Variants in LHX8 observed in about 807,000 individuals in gnomAD.
The protein encoded by LHX8 is LIM/homeobox protein Lhx8.
LHX8 carries 12 observed loss-of-function variants against 40.3 expected under a neutral mutation model. The ratio of observed to expected loss-of-function variants is 0.30; its 90% CI spans 0.19 to 0.48. The LOEUF is 0.48. Among genes scored for constraint, LHX8 ranks in the 20% least tolerant of loss-of-function variants. The pLI, the probability that LHX8 is intolerant of heterozygous loss-of-function variation, is 0.99. For synonymous variants in LHX8, 179 were observed against 162.0 expected, an observed-to-expected ratio of 1.10 and a Z score of -0.80; for missense variants, 344 against 433.7, an observed-to-expected ratio of 0.79 and a Z score of 1.84.
intron 3 of LHX8, among the ~76,000 whole-genome samples, chr1:75,139,681 T>C (rs922114758): frequency 1.3e-5 from 2 of 152,194 alleles, no homozygotes; most frequent in Admixed American, 1.3e-4. Flanking sequence ...TTGTCTATAG[T>C]GAGCATGTAA....
intron 8 of LHX8, among the ~76,000 whole-genome samples, chr1:75,157,314 A>T (rs1361277336): frequency 1.3e-5 from 2 of 152,226 alleles, no homozygotes; most frequent in Non-Finnish European, 2.9e-5. Flanking sequence ...ATAATGACTC[A>T]ATGCTTGATC....
intron 7 of LHX8, among the ~76,000 whole-genome samples, chr1:75,153,742 A>G (rs1035907285): frequency 6.6e-6 from 1 of 152,108 alleles, no homozygotes; most frequent in African/African-American, 2.4e-5. Context: ...CCCTATCTAG[A>G]GAGTATTTCA....
chr1:75,159,806 A>G (rs981147598), intron 8 of LHX8: 1 of 152,174 alleles, frequency 6.6e-6, no homozygotes, highest in African/African-American at 2.4e-5. Context: ...ACTAGAGAAG[A>G]TTAGTTTTAC....
At chr1:75,187,566 G>A in the LHX8 span, among the ~76,000 whole-genome samples, 3 of 152,088 alleles carry the variant, frequency 2.0e-5, no homozygotes, top group Non-Finnish European at 4.4e-5. Flanking sequence ...AGAGGCTCTG[G>A]TGGGTTCATT....
chr1:75,173,527 C>G, the LHX8 span, among the ~76,000 whole-genome samples: 1 of 151,646 alleles, frequency 6.6e-6, no homozygotes, highest in African/African-American at 2.4e-5. Context: ...GGACTTCAGG[C>G]GCCCACCACC....
At chr1:75,190,782 G>A in the LHX8 span, among the ~76,000 whole-genome samples, 2 of 152,112 alleles carry the variant, frequency 1.3e-5, no homozygotes, top group African/African-American at 2.4e-5. Flanking sequence ...ATGTTACAAT[G>A]TTTAAAAATG....
At chr1:75,187,496 G>T in the LHX8 span, among the ~76,000 whole-genome samples, 3 of 152,288 alleles carry the variant, frequency 2.0e-5, no homozygotes, top group East Asian at 1.9e-4. Context: ...ATTGGAAAGG[G>T]TCTTGTGAGG....
At chr1:75,133,359 G>A (rs1476776929), upstream of LHX8, among the ~76,000 whole-genome samples, 1 of 152,162 alleles carries the variant, frequency 6.6e-6, no homozygotes, top group African/African-American at 2.4e-5. Flanking sequence ...GCTGCTGACC[G>A]AGCTGGGGTC....
chr1:75,162,927 ACT>A (rs964530556), downstream of LHX8, among the ~76,000 whole-genome samples: 11 of 151,850 alleles, frequency 7.2e-5, no homozygotes, highest in Admixed American at 5.2e-4. Flanking sequence ...GAGAAAGAAA[ACT>A]CTATATTGTT....
upstream of LHX8, chr1:75,130,957 T>G (rs761740160): frequency 4.0e-5 from 25 of 621,012 alleles, no homozygotes; most frequent in Non-Finnish European, 7.0e-5. Flanking sequence ...CTTCTTATGA[T>G]CGCGAAAGTC....
chr1:75,145,805 G>A (rs994514803), intron 6 of LHX8, among the ~76,000 whole-genome samples: 1 of 152,096 alleles, frequency 6.6e-6, no homozygotes, highest in African/African-American at 2.4e-5. Context: ...GGTTAAACAT[G>A]CATAAAATAT....
intron 1 of LHX8, among the ~76,000 whole-genome samples, chr1:75,135,625 C>T (rs1648102124): frequency 6.6e-6 from 1 of 152,218 alleles, no homozygotes; most frequent in African/African-American, 2.4e-5. Context: ...CACCCGCCCC[C>T]GAGCTAGAGT....
the LHX8 span, among the ~76,000 whole-genome samples, chr1:75,186,195 T>C: frequency 6.6e-6 from 1 of 152,130 alleles, no homozygotes; most frequent in Non-Finnish European, 1.5e-5. Context: ...AAAACGATTT[T>C]AACATTCATA....
chr1:75,156,180 A>T (rs1167983276), intron 7 of LHX8, among the ~76,000 whole-genome samples: 1 of 151,232 alleles, frequency 6.6e-6, no homozygotes, highest in African/African-American at 2.4e-5. Flanking sequence ...AAAAAATCTA[A>T]TGGAGTTTTT....
chr1:75,135,679 C>A (rs1175854174), intron 1 of LHX8, among the ~76,000 whole-genome samples: 1 of 152,220 alleles, frequency 6.6e-6, no homozygotes, highest in East Asian at 1.9e-4. Context: ...GCTGCGTTTT[C>A]GTTTAAGAAC....
chr1:75,185,448 A>G, the LHX8 span, among the ~76,000 whole-genome samples: 1 of 152,178 alleles, frequency 6.6e-6, no homozygotes, highest in African/African-American at 2.4e-5. Flanking sequence ...TTGGCCCAAG[A>G]TATGCAAATC....
At chr1:75,130,468 G>T, upstream of LHX8, 2 of 578,612 alleles carry the variant, frequency 3.5e-6, no homozygotes, top group East Asian at 5.6e-5. Context: ...GGATTCCCGG[G>T]TGTCCCGCGT....
the LHX8 span, among the ~76,000 whole-genome samples, chr1:75,172,162 A>C: frequency 6.6e-6 from 1 of 152,150 alleles, no homozygotes; most frequent in East Asian, 1.9e-4. Flanking sequence ...GGCATTTTAC[A>C]GCCTAATTTA....
At chr1:75,142,792 T>C (rs1220870471) in intron 4 of LHX8, among the ~76,000 whole-genome samples, 6 of 152,174 alleles carry the variant, frequency 3.9e-5, no homozygotes, top group African/African-American at 1.4e-4. Flanking sequence ...TTATCTTGAT[T>C]CTTTAAGTAA....
Sources: allele counts gnomAD v4.1 joint callset (sites outside exome capture counted in the v4.1 genomes callset), GRCh38; gene constraint gnomAD v4.1.1; transcripts MANE v1.5; gene names NCBI Gene and HGNC (gene_info 2026-07-23, HGNC 2026-07-21).